The following MOCS1 variants were observed in gnomAD, a reference collection of about 807,000 sequenced individuals.
The protein encoded by MOCS1 is molybdenum cofactor biosynthesis protein 1.
MOCS1 carries 39 observed loss-of-function variants against 57.6 expected under a neutral mutation model. The observed-to-expected ratio is 0.68, with a 90% CI of 0.52 to 0.88. The LOEUF is 0.88. MOCS1 is among the 40% of genes least tolerant of loss of function. The pLI is 0.00. For synonymous variants in MOCS1, 334 were observed against 335.7 expected, an observed-to-expected ratio of 1.00 and a Z score of 0.05; for missense variants, 795 against 831.1, an observed-to-expected ratio of 0.96 and a Z score of 0.53.
In MOCS1 at chr6:39,906,757, C is replaced by A. The variant is rs1030445767; in HGVS notation, c.1511G>T (p.Arg504Leu). 7.4e-6 allele frequency: 12 copies of A among 1,614,074 alleles called. No homozygotes were observed. In the Admixed American group the frequency reaches 1.8e-4, roughly 25 times the overall value. ...VDVGRKPDTE[R>L]VAVASAVVLL... ...GACCACGGCTGAAGCCACAGCCACC[C>A]GCTCTGTGTCTGGCTTCCTGCCCAC... Residue 504 changes from arginine to leucine, a missense_variant, in exon 11 of 11, where the codon CGG (arginine) becomes CTG (leucine). Around this residue, in one of 3 missense-constraint regions of MOCS1, gnomAD observed 374 missense variants for 422.6 expected, o/e 0.89. Transcript: ENST00000340692.
At chr6:39,927,226 G>T in intron 2 of MOCS1, 103 bp downstream of exon 2, 2 of 1,449,520 alleles carry the variant, frequency 1.4e-6, no homozygotes, top group Non-Finnish European at 1.9e-6. Context: ...AAGTTAGAAA[G>T]CAGAACTGGA....
intron 2 of MOCS1, among the ~76,000 whole-genome samples, chr6:39,926,159 C>T (rs1027010302): frequency 2.6e-5 from 4 of 152,208 alleles, no homozygotes; most frequent in Admixed American, 2.0e-4. Flanking sequence ...GGCCTGACTT[C>T]CTGGGCTGAG....
intron 2 of MOCS1, chr6:39,927,043 C>T (rs190139585): frequency 1.4e-4 from 56 of 386,630 alleles, no homozygotes; most frequent in Non-Finnish European, 3.4e-5. Context: ...GAGGAAGGAC[C>T]CCTGAAGAAT....
intron 3 of MOCS1, among the ~76,000 whole-genome samples, chr6:39,919,828 TC>T (rs1210216019): frequency 1.3e-5 from 2 of 152,176 alleles, no homozygotes; most frequent in Non-Finnish European, 2.9e-5. Context: ...CCAAAAATCA[TC>T]TACAGATGAA....
rs1234018848 is a variant in MOCS1, at chr6:39,927,583, G to C, written c.124-128C>G. ...GAGCTTCCAACTCTTCCACATGTTT[G>C]GGCTCTGCAATGTTGGGGAAGCTGG... On this transcript the variant is annotated intron_variant, in intron 1 of 10. Coordinates refer to ENST00000340692, the MANE Select transcript of MOCS1 (RefSeq NM_001358530.2). 3.7e-6 allele frequency: 6 copies of C among 1,607,658 alleles called. No homozygotes were observed. In the East Asian group the frequency reaches 1.3e-4, roughly 36 times the overall value.
intron 5 of MOCS1, 110 bp downstream of exon 5, chr6:39,913,664 A>G (rs1767477783): frequency 1.6e-6 from 2 of 1,270,490 alleles, no homozygotes; most frequent in Non-Finnish European, 2.3e-6. Flanking sequence ...CACGTACTTC[A>G]GCCATGCTGG....
intron 8 of MOCS1, 124 bp from the exon 9 acceptor site, chr6:39,910,079 G>A: frequency 7.1e-7 from 1 of 1,402,410 alleles, no homozygotes; most frequent in South Asian, 1.2e-5. Context: ...GCCTCCCATG[G>A]CAGGGCCCCT....
intron 4 of MOCS1, among the ~76,000 whole-genome samples, chr6:39,914,967 G>A (rs1767571416): frequency 6.6e-6 from 1 of 152,014 alleles, no homozygotes; most frequent in African/African-American, 2.4e-5. Context: ...CTGTACTCCT[G>A]CTCCCCCTCA....
chr6:39,927,644 A>T, intron 1 of MOCS1, 189 bp from the exon 2 acceptor site: 2 of 1,587,426 alleles, frequency 1.3e-6, no homozygotes, highest in Non-Finnish European at 1.7e-6. Context: ...GCTTGATGGG[A>T]AGGACCCACC....
intron 1 of MOCS1, chr6:39,927,738 G>A: frequency 1.3e-6 from 2 of 1,518,014 alleles, no homozygotes; most frequent in South Asian, 1.2e-5. Flanking sequence ...GTGGAGGCAA[G>A]GGTGTGGGGA....
At chr6:39,922,212 A>G (rs1329029602) in intron 3 of MOCS1, among the ~76,000 whole-genome samples, 1 of 152,200 alleles carries the variant, frequency 6.6e-6, no homozygotes, top group Non-Finnish European at 1.5e-5. Context: ...TTTCTCGGTT[A>G]CATTAGCCAC....
intron 2 of MOCS1, among the ~76,000 whole-genome samples, chr6:39,926,201 T>C (rs1458288868): frequency 6.6e-6 from 1 of 152,152 alleles, no homozygotes; most frequent in Non-Finnish European, 1.5e-5. Flanking sequence ...CTCCTGGCAT[T>C]GTCACCCATC....
At position 39,912,982 on chromosome 6, in the gene MOCS1, C is replaced by CTT. The variant is rs1166573081; in HGVS notation, c.778_779dup (p.Met261ArgfsTer9). The CTT allele has an allele frequency of 1.2e-6, 2 of 1,614,164 alleles. No homozygotes were observed. Among genetic ancestry groups the CTT allele is most frequent in the South Asian group, 2.2e-5 (2 of 91,080 alleles). On this transcript the variant is annotated frameshift_variant, in exon 7 of 11. Transcript: ENST00000340692. LOFTEE classifies it high-confidence loss of function. ...CTAGCATCTCCTTATAGCTGACCAT[C>CTT]TTCTTGAAGTTCCACTTGTTGCCTG... is the stretch of plus-strand genomic sequence containing the variant.
chr6:39,916,914 C>T (rs1227772126), intron 3 of MOCS1, among the ~76,000 whole-genome samples: 2 of 152,144 alleles, frequency 1.3e-5, no homozygotes. Flanking sequence ...GTGCACGCAG[C>T]TTAGTAGTCA....
At chr6:39,917,466 T>G (rs1306658377) in intron 3 of MOCS1, among the ~76,000 whole-genome samples, 3 of 151,972 alleles carry the variant, frequency 2.0e-5, no homozygotes, top group Non-Finnish European at 2.9e-5. Flanking sequence ...GCCAAACCAT[T>G]TCGGGGGCAA....
At chr6:39,927,516 A>G in intron 1 of MOCS1, 61 bp from the exon 2 acceptor site, 1 of 1,610,856 alleles carries the variant, frequency 6.2e-7, no homozygotes, top group Non-Finnish European at 8.5e-7. Context: ...AAGAGGCACA[A>G]GGAGAACCGC....
At chr6:39,928,919 C>A (rs1435628894) in intron 1 of MOCS1, among the ~76,000 whole-genome samples, 4 of 152,194 alleles carry the variant, frequency 2.6e-5, no homozygotes, top group African/African-American at 7.2e-5. Flanking sequence ...TTCCTCAGCT[C>A]CAGCTGCACA....
In MOCS1 at chr6:39,926,993, C is replaced by A. The variant is rs1039028623; in HGVS notation, c.250+336G>T. On this transcript the variant is annotated intron_variant, in intron 2 of 10. Coordinates refer to ENST00000340692, the MANE Select transcript of MOCS1 (RefSeq NM_001358530.2). Reference sequence around the variant, plus strand: ...TGTTTATAATGTCCACCACCCCACCCCTGGCCATGTCCTGGACTTCGGGAA... The same window carrying A: ...TGTTTATAATGTCCACCACCCCACCACTGGCCATGTCCTGGACTTCGGGAA... 4.0e-5 allele frequency among the ~76,000 whole-genome samples: 6 copies of A among 151,772 alleles called. No individual in the cohort carries two copies. The South Asian group carries it at 1.0e-3, about 26-fold the overall frequency.
At chr6:39,925,995 A>C in intron 2 of MOCS1, 150 bp from the exon 3 acceptor site, 1 of 798,620 alleles carries the variant, frequency 1.3e-6, no homozygotes, top group Non-Finnish European at 1.9e-6. Flanking sequence ...GAGGTGGAAA[A>C]ACCCCAGGCC....
Sources: gnomAD v4.1 joint callset for allele counts (sites outside exome capture counted in the v4.1 genomes callset) on GRCh38, gnomAD v4.1.1 for gene constraint, gnomAD v4.1.1 regional missense constraint, MANE v1.5 for transcripts, NCBI Gene and HGNC (gene_info 2026-07-23, HGNC 2026-07-21) for gene names.